Variants in MGAT5B observed in about 807,000 individuals in gnomAD.
MGAT5B encodes alpha-1,6-mannosylglycoprotein 6-beta-N-acetylglucosaminyltransferase B, also known as N-acetylglucosaminyl-transferase Vb.
MGAT5B carries 54 observed loss-of-function variants against 95.1 expected under a neutral mutation model. That is an observed-to-expected ratio of 0.57 (90% confidence interval 0.46 to 0.71). The LOEUF (loss-of-function observed/expected upper bound fraction) is 0.71, where lower values mean the gene tolerates loss of function less well. Ranked by LOEUF, MGAT5B falls within the 30% of genes least tolerant of loss-of-function variation. The probability of loss-of-function intolerance (pLI) is 0.00; values close to 1 mark genes in which losing one functional copy is unlikely to be tolerated. For synonymous variants in MGAT5B, 464 were observed against 451.0 expected (o/e 1.03, Z -0.36); for missense variants, 935 against 1,088.6 (o/e 0.86, Z 1.99).
chr17:76,906,116 G>A lies in MGAT5B; in HGVS notation c.954G>A (p.Ala318=), dbSNP rs146302406. Residue 318 remains alanine, a synonymous_variant, in exon 8 of 18, where the codon GCG becomes GCA. Transcript: ENST00000569840. This position sits in a 1 kb window ranked among gnomAD's most constrained non-coding sequence, Gnocchi z 4.6. ...CCCTAGGGGAGATGGTGCAGTGGGC[G>A]GACATTCTGACTGCACTCTATGTCC... The part of the protein sequence containing the change: ...GGPLGEMVQW[A]DILTALYVLG... The A allele has an allele frequency of 1.3e-3, 2,082 of 1,607,012 alleles. No individual in the cohort carries two copies. The highest frequency in any genetic ancestry group is 1.5e-3 in the Non-Finnish European group (1,821 of 1,177,358).
chr17:76,946,326 C>G (rs767176105), intron 15 of MGAT5B, 50 bp from the exon 16 acceptor site: 7 of 1,517,690 alleles, frequency 4.6e-6, no homozygotes, highest in East Asian at 2.4e-5. Flanking sequence ...GCAGGGCCCC[C>G]GACGGCTGGG....
At chr17:76,942,068 GC>G (rs1338994845) in intron 15 of MGAT5B, among the ~76,000 whole-genome samples, 12 of 152,204 alleles carry the variant, frequency 7.9e-5, no homozygotes, top group African/African-American at 2.7e-4. Flanking sequence ...GGCGCTGATG[GC>G]CCTGCTGCAG....
Position 76,872,964 on chromosome 17 carries a change from G to T in MGAT5B, c.181+1G>T. On this transcript the variant is annotated splice_donor_variant, in intron 2 of 17. Transcript: ENST00000569840. LOFTEE classifies it high-confidence loss of function. Reference sequence around the variant, plus strand: ...TCGCCATTCACCATCCGCACAGAAGGTACCTTGGTGGGGCAAGGGGAGTGT... The same window carrying T: ...TCGCCATTCACCATCCGCACAGAAGTTACCTTGGTGGGGCAAGGGGAGTGT... The T allele has an allele frequency of 6.2e-7, 1 of 1,613,508 alleles. No homozygotes were observed. The highest frequency in any genetic ancestry group is 8.5e-7 in the Non-Finnish European group (1 of 1,180,038).
chr17:76,932,781 C>A lies in MGAT5B; in HGVS notation c.1422+6C>A. 6.2e-7 allele frequency: 1 copy of A among 1,613,020 alleles called. No homozygotes were observed. The highest frequency in any genetic ancestry group is 1.1e-5 in the South Asian group (1 of 91,044). The stretch of plus-strand genomic sequence containing the variant: ...AGGAGGCGAGCATCTGGAAGGTGAG[C>A]GCGGCCCCTGCGCGCGGGAAGCACC... On this transcript the variant is annotated splice_donor_region_variant and intron_variant, in intron 11 of 17. Transcript: ENST00000569840.
chr17:76,887,704 C>T (rs1967710785), intron 3 of MGAT5B, among the ~76,000 whole-genome samples: 1 of 151,302 alleles, frequency 6.6e-6, no homozygotes, highest in Non-Finnish European at 1.5e-5. Context: ...CAGGCGTGCA[C>T]CACCATGCCC....
chr17:76,910,076 C>T (rs766732257), intron 8 of MGAT5B, among the ~76,000 whole-genome samples: 1 of 152,160 alleles, frequency 6.6e-6, no homozygotes, highest in African/African-American at 2.4e-5. Flanking sequence ...GCAAGGAACC[C>T]GGCTGGGAGC....
intron 3 of MGAT5B, among the ~76,000 whole-genome samples, chr17:76,893,062 A>G (rs1345823364): frequency 6.6e-6 from 1 of 152,146 alleles, no homozygotes; most frequent in Non-Finnish European, 1.5e-5. Context: ...TGCCCAGCTC[A>G]CCTGTTACTG....
chr17:76,903,243 C>A, intron 4 of MGAT5B, 60 bp from the exon 5 acceptor site: 1 of 1,376,840 alleles, frequency 7.3e-7, no homozygotes. Context: ...CGCACGCAGG[C>A]CTCCCTCCCT....
At chr17:76,904,142 A>G (rs1463078145) in intron 5 of MGAT5B, 110 bp from the exon 6 acceptor site, 2 of 1,132,426 alleles carry the variant, frequency 1.8e-6, no homozygotes, top group African/African-American at 1.6e-5. Flanking sequence ...AGGGTGGGCC[A>G]CATGGGCCCC....
intron 2 of MGAT5B, among the ~76,000 whole-genome samples, chr17:76,877,079 A>G (rs1967218841): frequency 6.6e-6 from 1 of 151,922 alleles, no homozygotes; most frequent in South Asian, 2.1e-4. Flanking sequence ...TAATCCCAAC[A>G]CTTTGGGAGG....
At chr17:76,929,619 A>G (rs751764941) in intron 10 of MGAT5B, among the ~76,000 whole-genome samples, 5 of 152,190 alleles carry the variant, frequency 3.3e-5, no homozygotes, top group Non-Finnish European at 7.3e-5. Context: ...CTCAGAGAAC[A>G]TTAATTGATT....
chr17:76,897,929 G>A (rs1245116159), intron 3 of MGAT5B, among the ~76,000 whole-genome samples: 2 of 151,462 alleles, frequency 1.3e-5, no homozygotes, highest in Non-Finnish European at 2.9e-5. Flanking sequence ...GGTGGCACAT[G>A]CCTGTAATCC....
chr17:76,874,665 T>G (rs1187438999), intron 2 of MGAT5B, among the ~76,000 whole-genome samples: 1 of 151,780 alleles, frequency 6.6e-6, no homozygotes, highest in Non-Finnish European at 1.5e-5. Context: ...CGGGCTCTGG[T>G]TTTTATGCCT....
chr17:76,923,140 C>T (rs1407999887), intron 8 of MGAT5B, among the ~76,000 whole-genome samples: 2 of 152,208 alleles, frequency 1.3e-5, no homozygotes, highest in African/African-American at 2.4e-5. Context: ...CGCACAGTCC[C>T]CTCCCCGAGC....
intron 15 of MGAT5B, 78 bp from the exon 16 acceptor site, chr17:76,946,298 C>T (rs768829955): frequency 7.9e-6 from 10 of 1,273,726 alleles, no homozygotes; most frequent in East Asian, 2.6e-5. Context: ...CAGACCTCCA[C>T]CCCCAATGCC....
rs539637905 is a variant in MGAT5B at position 76,882,156 on chromosome 17, G to C, written c.187G>C (p.Gly63Arg). The C allele has an allele frequency of 6.2e-7, 1 of 1,609,756 alleles. No individual in the cohort carries two copies. The highest frequency in any genetic ancestry group is 1.1e-5 in the South Asian group (1 of 90,438). The change falls in exon 3 of 18, where the codon GGG becomes CGG. Residue 63 changes from glycine to arginine, a missense_variant. This residue lies in a region of MGAT5B where 243 missense variants were observed against 228.2 expected (regional missense o/e 1.06). Coordinates refer to ENST00000569840, the MANE Select transcript of MGAT5B (RefSeq NM_001199172.2). ...SPFTIRTEVM[G>R]GPESRGVLRK... ...TACCCACACTCTGCCCACAGTGATG[G>C]GGGGCCCCGAGTCCCGCGGCGTCCT...
chr17:76,935,826 A>G (rs932107015), intron 12 of MGAT5B, among the ~76,000 whole-genome samples: 7 of 140,412 alleles, frequency 5.0e-5, no homozygotes, highest in Admixed American at 4.5e-4. Flanking sequence ...AATTATATAT[A>G]CTATATATTA....
In MGAT5B at chr17:76,872,946, T is replaced by C; in HGVS notation, c.164T>C (p.Phe55Ser). Residue 55 changes from phenylalanine (F) to serine (S), a missense_variant, in exon 2 of 18, where the codon TTC (phenylalanine) becomes TCC (serine). By Grantham distance (155) the Phe-to-Ser change is radical. Transcript: ENST00000569840. ...FSARRLGDSP[F>S]TIRTEVMGGP... ...GCCCGGCGCCTGGGGGACTCGCCAT[T>C]CACCATCCGCACAGAAGGTACCTTG... The C allele has an allele frequency of 6.2e-7, 1 of 1,614,054 alleles. No homozygotes were observed. The highest frequency in any genetic ancestry group is 2.2e-5 in the East Asian group (1 of 44,892).
intron 5 of MGAT5B, 41 bp downstream of exon 5, chr17:76,903,417 G>A (rs752477290): frequency 3.2e-6 from 5 of 1,552,758 alleles, no homozygotes; most frequent in Non-Finnish European, 4.4e-6. Flanking sequence ...CTACAGCTAG[G>A]GCCTCTCTGT....
Sources: gnomAD v4.1 joint callset for allele counts (sites outside exome capture counted in the v4.1 genomes callset) on GRCh38, gnomAD v4.1.1 for gene constraint, gnomAD v4.1.1 regional missense constraint, Gnocchi (gnomAD v3.1) non-coding constraint, MANE v1.5 for transcripts, NCBI Gene and HGNC (gene_info 2026-07-23, HGNC 2026-07-21) for gene names.